The following PPP3CA variants were observed in gnomAD, a reference collection of about 807,000 sequenced individuals.
PPP3CA encodes CAM-PRP catalytic subunit.
In PPP3CA, 14 loss-of-function variants were observed where a neutral mutation model predicts 66.5. The ratio of observed to expected loss-of-function variants is 0.21; its 90% confidence interval spans 0.14 to 0.33. PPP3CA has a LOEUF of 0.33. Ranked by LOEUF, PPP3CA falls within the 10% of genes least tolerant of loss-of-function variation. The probability of loss-of-function intolerance (pLI) is 1.00; values close to 1 mark genes in which losing one functional copy is unlikely to be tolerated. For synonymous variants in PPP3CA, 232 were observed against 226.2 expected (o/e 1.03, Z -0.23); for missense variants, 317 against 639.5 (o/e 0.50, Z 5.44).
intron 2 of PPP3CA, among the ~76,000 whole-genome samples, chr4:101,117,234 T>C (rs1250586033): frequency 6.6e-6 from 1 of 151,890 alleles, no homozygotes; most frequent in Non-Finnish European, 1.5e-5. Flanking sequence ...ACTAAATACT[T>C]CATTCATCCC....
chr4:101,341,782 A>G (rs1255037739), intron 1 of PPP3CA, among the ~76,000 whole-genome samples: 1 of 152,222 alleles, frequency 6.6e-6, no homozygotes, highest in Admixed American at 6.5e-5. Flanking sequence ...CTGCTACATC[A>G]GAAAGTTGCT....
chr4:101,025,661 C>A lies in PPP3CA; in HGVS notation c.*204G>T. On this transcript the variant is annotated 3_prime_UTR_variant, in exon 14 of 14. Transcript: ENST00000394854. ...GGCATACCCAAAAGAGGTGTTTAAT[C>A]ACCATCCCCACCAAAATATAGTTTA... The A allele has an allele frequency of 2.2e-6, 1 of 461,992 alleles. No homozygotes were observed. Among genetic ancestry groups the A allele is most frequent in the East Asian group, 3.4e-5 (1 of 29,654 alleles). The allele number at this position is 461,992 out of a possible 1,614,324, so 28.6% of individuals were successfully genotyped here. A position where few individuals can be genotyped will look rare whatever the true frequency, so the allele number is the denominator to read the frequency against.
chr4:101,171,901 C>T (rs1238731359), intron 2 of PPP3CA, among the ~76,000 whole-genome samples: 4 of 152,098 alleles, frequency 2.6e-5, no homozygotes, highest in Non-Finnish European at 5.9e-5. Context: ...TATGTCACTG[C>T]CATATATAGC....
intron 2 of PPP3CA, among the ~76,000 whole-genome samples, chr4:101,172,675 A>G (rs1257594232): frequency 6.6e-6 from 1 of 151,990 alleles, no homozygotes; most frequent in Non-Finnish European, 1.5e-5. Flanking sequence ...CCCTATTTCC[A>G]TGAAATCACC....
intron 6 of PPP3CA, among the ~76,000 whole-genome samples, chr4:101,087,660 T>C (rs1729729685): frequency 6.6e-6 from 1 of 152,212 alleles, no homozygotes; most frequent in African/African-American, 2.4e-5. Flanking sequence ...AAGCTCATTC[T>C]CATTTGCTGT....
At chr4:101,223,783 C>T (rs1390175031) in intron 1 of PPP3CA, among the ~76,000 whole-genome samples, 1 of 151,758 alleles carries the variant, frequency 6.6e-6, no homozygotes, top group Admixed American at 6.6e-5. Flanking sequence ...AACAGCAACG[C>T]TCTGGAAACC....
Position 101,196,011 on chromosome 4 carries a change from C to A in PPP3CA, c.164G>T (p.Arg55Met). 6.2e-7 allele frequency: 1 copy of A among 1,613,636 alleles called. No homozygotes were observed. The highest frequency in any genetic ancestry group is 8.5e-7 in the Non-Finnish European group (1 of 1,179,726). The change falls in exon 2 of 14, where the codon AGG becomes ATG. Residue 55 changes from arginine (R) to methionine (M), a missense_variant. Arg to Met is a moderately conservative substitution (Grantham distance 91). This residue lies in a region of PPP3CA where 76 missense variants were observed against 99.5 expected (regional missense o/e 0.76). Coordinates refer to ENST00000394854, the MANE Select transcript of PPP3CA (RefSeq NM_000944.5). ...ILKAHLMKEG[R>M]LEESVALRII... ...TCTCAATGCAACACTCTCTTCCAGC[C>A]TTCCCTCCTTCATAAGATGCGCCTT...
chr4:101,196,157 CA>C (rs1173887211), intron 1 of PPP3CA, 41 bp from the exon 2 acceptor site: 1 of 1,561,160 alleles, frequency 6.4e-7, no homozygotes, highest in Non-Finnish European at 8.8e-7. Flanking sequence ...AGCCAAAACT[CA>C]ACAACAAACA....
At chr4:101,033,708 T>C (rs1403322529) in intron 11 of PPP3CA, among the ~76,000 whole-genome samples, 1 of 152,188 alleles carries the variant, frequency 6.6e-6, no homozygotes, top group East Asian at 1.9e-4. Context: ...CACAGAGTTG[T>C]ACAACCATCA....
chr4:101,180,684 C>T (rs767505923), intron 2 of PPP3CA, among the ~76,000 whole-genome samples: 3 of 151,966 alleles, frequency 2.0e-5, no homozygotes, highest in Non-Finnish European at 4.4e-5. Flanking sequence ...GAGAGCTACC[C>T]ATAACCTAAA....
intron 1 of PPP3CA, among the ~76,000 whole-genome samples, chr4:101,198,458 A>C (rs923385953): frequency 4.6e-5 from 7 of 152,188 alleles, no homozygotes; most frequent in African/African-American, 1.7e-4. Flanking sequence ...ATTTTTAAAA[A>C]ATGATTTTCC....
At chr4:101,193,887 T>C (rs11935869) in intron 2 of PPP3CA, among the ~76,000 whole-genome samples, 1 of 152,178 alleles carries the variant, frequency 6.6e-6, no homozygotes, top group African/African-American at 2.4e-5. Context: ...TGGCAAATGT[T>C]AGTACAACTC....
intron 6 of PPP3CA, 78 bp from the exon 7 acceptor site, chr4:101,083,341 T>A (rs1729523098): frequency 4.2e-6 from 5 of 1,202,138 alleles, no homozygotes; most frequent in Non-Finnish European, 6.1e-6. Flanking sequence ...AACATCCAGA[T>A]CTATGTGACT....
At chr4:101,316,194 T>C (rs1728879129) in intron 1 of PPP3CA, among the ~76,000 whole-genome samples, 1 of 151,544 alleles carries the variant, frequency 6.6e-6, no homozygotes, top group Non-Finnish European at 1.5e-5. Flanking sequence ...ATCAGAGTTG[T>C]GTTATTACTA....
In PPP3CA at chr4:101,211,807, A is replaced by T. The variant is rs569821395; in HGVS notation, c.59-15691T>A. The stretch of plus-strand genomic sequence containing the variant: ...GCATGTTAGTTAACCTGCTGCTGAG[A>T]ATTTCCAGCAACACAGAGCAGAAAC... On this transcript the variant is annotated intron_variant, in intron 1 of 13. Transcript: ENST00000394854. Among the ~76,000 whole-genome samples, 5 of 152,190 alleles carry T rather than the reference A, an allele frequency of 3.3e-5. No individual in the cohort carries two copies. The South Asian group carries it at 1.0e-3, about 31-fold the overall frequency.
At chr4:101,136,372 C>G (rs538177335) in intron 2 of PPP3CA, among the ~76,000 whole-genome samples, 3 of 152,180 alleles carry the variant, frequency 2.0e-5, no homozygotes, top group Admixed American at 6.5e-5. Context: ...GAAACCCCGT[C>G]TCTACTAAAA....
intron 1 of PPP3CA, among the ~76,000 whole-genome samples, chr4:101,316,105 T>C (rs1401360650): frequency 3.9e-5 from 6 of 151,962 alleles, no homozygotes; most frequent in African/African-American, 1.5e-4. Flanking sequence ...AAAGAACTTA[T>C]CACACAGACT....
chr4:101,321,129 G>A (rs1729029503), intron 1 of PPP3CA, among the ~76,000 whole-genome samples: 2 of 152,150 alleles, frequency 1.3e-5, no homozygotes, highest in South Asian at 2.1e-4. Flanking sequence ...GTGCTTCTAT[G>A]TCCACCAGTG....
chr4:101,077,217 C>A (rs577168069), intron 8 of PPP3CA, among the ~76,000 whole-genome samples: 1 of 152,308 alleles, frequency 6.6e-6, no homozygotes, highest in South Asian at 2.1e-4. Flanking sequence ...TGAATCTGAT[C>A]ACAACTATTA....
Sources: allele counts gnomAD v4.1 joint callset (sites outside exome capture counted in the v4.1 genomes callset), GRCh38; gene constraint gnomAD v4.1.1; regional missense constraint gnomAD v4.1.1; transcripts MANE v1.5; gene names NCBI Gene and HGNC (gene_info 2026-07-23, HGNC 2026-07-21).